KIAA1217: variants seen among roughly 807,000 people sequenced by gnomAD.
KIAA1217 encodes sickle tail protein homolog.
Under a neutral mutation model 163.9 loss-of-function variants are expected in KIAA1217, and 88 were observed. The ratio of observed to expected loss-of-function variants is 0.54; its 90% CI spans 0.45 to 0.64. The LOEUF (loss-of-function observed/expected upper bound fraction) is 0.64, where lower values mean the gene tolerates loss of function less well. KIAA1217 is among the 30% of genes least tolerant of loss of function. The pLI is 0.00. For missense variants in KIAA1217, 2,372 were observed against 2,475.0 expected (o/e 0.96, Z 0.88); for synonymous variants, 903 against 923.1 (o/e 0.98, Z 0.39).
chr10:24,402,509 AAAAAAAC>A (rs1260158135), intron 3 of KIAA1217, among the ~76,000 whole-genome samples: 5 of 114,366 alleles, frequency 4.4e-5, no homozygotes, highest in East Asian at 5.6e-4. Flanking sequence ...ACTCCCTCTC[AAAAAAAC>A]AAAAAACAAA....
intron 1 of KIAA1217, among the ~76,000 whole-genome samples, chr10:23,720,587 T>C (rs544398682): frequency 1.3e-5 from 2 of 152,214 alleles, no homozygotes; most frequent in South Asian, 4.1e-4. Flanking sequence ...GGTACAGCCT[T>C]ATAAAAAGGA....
chr10:23,993,553 C>CTTTTGTTTTTTTTTTTT (rs1846318686), intron 1 of KIAA1217, among the ~76,000 whole-genome samples: 1 of 68,956 alleles, frequency 1.5e-5, no homozygotes, highest in Non-Finnish European at 2.4e-5. Flanking sequence ...CATAGCCCAG[C>CTTTTGTTTTTTTTTTTT]TTTTTTTTTT....
chr10:24,455,506 C>T (rs922317742), intron 5 of KIAA1217, among the ~76,000 whole-genome samples: 1 of 152,186 alleles, frequency 6.6e-6, no homozygotes, highest in Non-Finnish European at 1.5e-5. Flanking sequence ...ACCCAGTTCC[C>T]TGTTTTTGAT....
intron 1 of KIAA1217, among the ~76,000 whole-genome samples, chr10:23,954,212 G>A (rs1013909738): frequency 2.6e-5 from 4 of 152,106 alleles, no homozygotes; most frequent in African/African-American, 9.7e-5. Flanking sequence ...GATTAAAGCA[G>A]ATGCACCCAG....
chr10:23,789,646 G>T (rs1835648644), intron 1 of KIAA1217, among the ~76,000 whole-genome samples: 1 of 152,114 alleles, frequency 6.6e-6, no homozygotes, highest in Non-Finnish European at 1.5e-5. Flanking sequence ...AATATGACTG[G>T]TAATGTAGAG....
intron 5 of KIAA1217, among the ~76,000 whole-genome samples, chr10:24,445,992 C>T (rs553956866): frequency 6.6e-6 from 1 of 152,302 alleles, no homozygotes; most frequent in South Asian, 2.1e-4. Flanking sequence ...TTTACAGTCC[C>T]ACCAATAGTG....
chr10:24,492,475 A>G (rs907960926), intron 6 of KIAA1217, among the ~76,000 whole-genome samples: 8 of 152,158 alleles, frequency 5.3e-5, no homozygotes, highest in African/African-American at 1.9e-4. Context: ...TCTTATTTCC[A>G]TTCTATTACA....
Position 24,545,960 on chromosome 10 carries a change from C to T in KIAA1217, c.5468C>T (p.Ser1823Phe). 1 of 1,614,130 alleles carries T rather than the reference C, an allele frequency of 6.2e-7. No individual in the cohort carries two copies. The highest frequency in any genetic ancestry group is 8.5e-7 in the Non-Finnish European group (1 of 1,180,030). The change falls in exon 21 of 21, where the codon TCT becomes TTT. Residue 1823 changes from serine to phenylalanine, a missense_variant. Around this residue, in one of 3 missense-constraint regions of KIAA1217, gnomAD observed 690 missense variants for 677.5 expected, o/e 1.02. Transcript: ENST00000376454. ...CTGCCCTCTTCTAGTGGTGACAGCTCTAACCTCCCTAATCCACCTGCTACT... is the reference window on the plus strand; with the variant it reads ...CTGCCCTCTTCTAGTGGTGACAGCTTTAACCTCCCTAATCCACCTGCTACT... ...SSLPSSSGDS[S>F]NLPNPPATKP...
chr10:23,847,451 T>G (rs1169145794), intron 1 of KIAA1217, among the ~76,000 whole-genome samples: 1 of 152,212 alleles, frequency 6.6e-6, no homozygotes, highest in Non-Finnish European at 1.5e-5. Context: ...TGGTTTAAAC[T>G]CGGGAGGGTG....
At chr10:23,805,150 A>G (rs540666950) in intron 1 of KIAA1217, among the ~76,000 whole-genome samples, 5 of 152,310 alleles carry the variant, frequency 3.3e-5, no homozygotes, top group African/African-American at 9.6e-5. Flanking sequence ...TCGACCTAGC[A>G]ATCTCATTAA....
intron 1 of KIAA1217, among the ~76,000 whole-genome samples, chr10:23,768,603 A>G (rs1834652513): frequency 1.3e-5 from 2 of 152,216 alleles, no homozygotes; most frequent in Admixed American, 1.3e-4. Flanking sequence ...TTCAATGAGG[A>G]AAGTATAAGT....
intron 6 of KIAA1217, among the ~76,000 whole-genome samples, chr10:24,480,773 A>T (rs1018072916): frequency 6.6e-6 from 1 of 152,236 alleles, no homozygotes; most frequent in African/African-American, 2.4e-5. Context: ...ATCAGAAAAC[A>T]CGTAAGGTGA....
chr10:24,543,733 A>G lies in KIAA1217; in HGVS notation c.4463A>G (p.Asn1488Ser). The change falls in exon 19 of 21, where the codon AAT becomes AGT. Residue 1488 changes from asparagine (N) to serine (S), a missense_variant. Physicochemically the swap from Asn to Ser is conservative, Grantham distance 46. Transcript: ENST00000376454. ...EKIEEEEEEENGDSVVQNNNT... is the reference protein window; with the variant it reads ...EKIEEEEEEESGDSVVQNNNT... ...ATAGAGGAGGAGGAAGAGGAGGAAA[A>G]TGGGGATTCTGTAGTCCAGAATAAT... 1 of 1,613,886 alleles carries G rather than the reference A, an allele frequency of 6.2e-7. No individual in the cohort carries two copies. The highest frequency in any genetic ancestry group is 8.5e-7 in the Non-Finnish European group (1 of 1,179,888).
chr10:24,054,820 AAT>A (rs1436471443), intron 2 of KIAA1217, among the ~76,000 whole-genome samples: 1 of 152,206 alleles, frequency 6.6e-6, no homozygotes, highest in Admixed American at 6.5e-5. Context: ...TACTATGGAC[AAT>A]TGTAACACAA....
At chr10:24,453,356 T>C (rs1241040773) in intron 5 of KIAA1217, among the ~76,000 whole-genome samples, 2 of 152,242 alleles carry the variant, frequency 1.3e-5, no homozygotes, top group Non-Finnish European at 2.9e-5. Flanking sequence ...AACTCTCTTT[T>C]CTGGATTATC....
chr10:24,065,781 C>G (rs2060918384), intron 2 of KIAA1217, among the ~76,000 whole-genome samples: 1 of 152,146 alleles, frequency 6.6e-6, no homozygotes, highest in Non-Finnish European at 1.5e-5. Flanking sequence ...GAGTCTAAGT[C>G]TCTTTGTAGG....
chr10:24,044,954 C>T (rs1848892827), intron 2 of KIAA1217, among the ~76,000 whole-genome samples: 1 of 152,106 alleles, frequency 6.6e-6, no homozygotes, highest in Non-Finnish European at 1.5e-5. Context: ...ATTTCTAGAA[C>T]TCCTGAACAG....
intron 2 of KIAA1217, among the ~76,000 whole-genome samples, chr10:24,177,223 G>A (rs1458356159): frequency 7.1e-6 from 1 of 140,370 alleles, no homozygotes; most frequent in Non-Finnish European, 1.5e-5. Flanking sequence ...CCGAAAGCGA[G>A]CGAGGGCTGC....
chr10:24,250,032 C>A (rs2074289792), intron 2 of KIAA1217, among the ~76,000 whole-genome samples: 1 of 152,156 alleles, frequency 6.6e-6, no homozygotes, highest in South Asian at 2.1e-4. Context: ...CAGTGATGCA[C>A]CAAAGGGTGG....
Sources: allele counts gnomAD v4.1 joint callset (sites outside exome capture counted in the v4.1 genomes callset), GRCh38; gene constraint gnomAD v4.1.1; regional missense constraint gnomAD v4.1.1; transcripts MANE v1.5; gene names NCBI Gene and HGNC (gene_info 2026-07-23, HGNC 2026-07-21).